The following PTPRT variants were observed in gnomAD, a reference collection of about 807,000 sequenced individuals.
PTPRT encodes the protein receptor-type tyrosine-protein phosphatase T.
A neutral mutation model predicts 176.8 loss-of-function variants in PTPRT; 56 were observed. That is an observed-to-expected ratio of 0.32 (90% confidence interval 0.26 to 0.40). The LOEUF (loss-of-function observed/expected upper bound fraction) is 0.40, where lower values mean the gene tolerates loss of function less well. Ranked by LOEUF, PTPRT falls within the 10% of genes least tolerant of loss-of-function variation. The probability of loss-of-function intolerance (pLI) is 1.00; values close to 1 mark genes in which losing one functional copy is unlikely to be tolerated. For missense variants in PTPRT, 1,540 were observed against 1,908.2 expected (o/e 0.81, Z 3.60); for synonymous variants, 783 against 739.0 (o/e 1.06, Z -0.96).
At chr20:42,684,646 T>C (rs2075661127) in intron 6 of PTPRT, among the ~76,000 whole-genome samples, 1 of 152,188 alleles carries the variant, frequency 6.6e-6, no homozygotes, top group East Asian at 1.9e-4. Context: ...GGCCTGAGTT[T>C]GCAGACTCTG....
intron 7 of PTPRT, among the ~76,000 whole-genome samples, chr20:42,623,685 T>C (rs1243833583): frequency 2.0e-5 from 3 of 152,090 alleles, no homozygotes; most frequent in Admixed American, 6.5e-5. Context: ...AACTCTGGCA[T>C]ATTCACTTCA....
At chr20:42,662,988 ATGTGTG>A (rs2075251750) in intron 7 of PTPRT, among the ~76,000 whole-genome samples, 1 of 144,796 alleles carries the variant, frequency 6.9e-6, no homozygotes, top group African/African-American at 2.6e-5. Context: ...GTGTGTGTGT[ATGTGTG>A]TGTGTATTTA....
At chr20:42,037,243 G>A in the PTPRT span, among the ~76,000 whole-genome samples, 4 of 152,198 alleles carry the variant, frequency 2.6e-5, no homozygotes, top group East Asian at 7.7e-4. Flanking sequence ...ATGCTGTGTG[G>A]CAGTGAGGGT....
intron 16 of PTPRT, among the ~76,000 whole-genome samples, chr20:42,177,784 C>A (rs983930176): frequency 2.0e-5 from 3 of 152,058 alleles, no homozygotes; most frequent in Non-Finnish European, 4.4e-5. Context: ...GTAAGTTTGA[C>A]CCAATTCCTT....
chr20:42,092,591 G>T (rs1984739357), intron 27 of PTPRT, among the ~76,000 whole-genome samples: 1 of 152,174 alleles, frequency 6.6e-6, no homozygotes, highest in East Asian at 1.9e-4. Context: ...CTACCATTCT[G>T]GTGGGGACAG....
At chr20:42,617,391 T>G (rs2074102434) in intron 7 of PTPRT, among the ~76,000 whole-genome samples, 1 of 135,024 alleles carries the variant, frequency 7.4e-6, no homozygotes, top group Non-Finnish European at 1.5e-5. Flanking sequence ...GATATTGGTC[T>G]AAAATTCTCT....
At chr20:42,492,248 A>C (rs577701023) in intron 7 of PTPRT, among the ~76,000 whole-genome samples, 12 of 152,192 alleles carry the variant, frequency 7.9e-5, no homozygotes, top group Non-Finnish European at 1.3e-4. Context: ...ATTTTTACTT[A>C]TAAAATAAAC....
At chr20:42,560,182 G>A (rs1408338558) in intron 7 of PTPRT, among the ~76,000 whole-genome samples, 1 of 152,134 alleles carries the variant, frequency 6.6e-6, no homozygotes, top group Non-Finnish European at 1.5e-5. Flanking sequence ...CTGATGTTCT[G>A]GAAGCCGACT....
At chr20:43,083,369 T>TATACATATATATATATATATATAA (rs1568774368) in intron 1 of PTPRT, among the ~76,000 whole-genome samples, 1 of 110,244 alleles carries the variant, frequency 9.1e-6, no homozygotes, top group African/African-American at 4.0e-5. Context: ...TATATATATA[T>TATACATATATATATATATATATAA]ACATTTTTTG....
chr20:42,077,810 G>T lies in PTPRT; in HGVS notation c.*3069C>A, dbSNP rs1472435627. 4 of 107,696 alleles carry T rather than the reference G, an allele frequency of 3.7e-5. No homozygotes were observed. The highest frequency in any genetic ancestry group is 1.7e-5 in the Non-Finnish European group (1 of 59,274). The allele number at this position is 107,696 out of a possible 1,614,324, so 6.7% of individuals were successfully genotyped here. A position where few individuals can be genotyped will look rare whatever the true frequency, so the allele number is the denominator to read the frequency against. On this transcript the variant is annotated 3_prime_UTR_variant, in exon 31 of 31. Transcript: ENST00000373187. ...TTGCTGGGTTACCCCAACATGGCCT[G>T]AGATTTTTTTTTTTTGCAAGTTTGT...
chr20:42,067,680 A>C, the PTPRT span, among the ~76,000 whole-genome samples: 1 of 152,144 alleles, frequency 6.6e-6, no homozygotes, highest in South Asian at 2.1e-4. Context: ...ACATAGGATG[A>C]GCTTAGGACA....
intron 6 of PTPRT, among the ~76,000 whole-genome samples, chr20:42,708,081 C>A (rs903602997): frequency 6.6e-6 from 1 of 152,034 alleles, no homozygotes; most frequent in Non-Finnish European, 1.5e-5. Flanking sequence ...AAGAAATATG[C>A]AAAATATGTG....
At chr20:43,126,872 T>C (rs542342152) in intron 1 of PTPRT, among the ~76,000 whole-genome samples, 2 of 152,264 alleles carry the variant, frequency 1.3e-5, no homozygotes, top group South Asian at 4.2e-4. Flanking sequence ...AGAGTGCTTC[T>C]TCTCAACCTG....
chr20:42,707,014 G>A (rs140654245), intron 6 of PTPRT, among the ~76,000 whole-genome samples: 10 of 152,266 alleles, frequency 6.6e-5, no homozygotes, highest in East Asian at 1.9e-4. Flanking sequence ...TCTACAAGAC[G>A]AGGATGCCAA....
intron 1 of PTPRT, among the ~76,000 whole-genome samples, chr20:42,973,377 CAA>C (rs775013069): frequency 6.6e-6 from 1 of 152,142 alleles, no homozygotes; most frequent in Admixed American, 6.6e-5. Context: ...AATGTCAGCT[CAA>C]ATGTCACCTC....
chr20:42,088,252 G>A (rs959840166), intron 27 of PTPRT, among the ~76,000 whole-genome samples: 8 of 152,316 alleles, frequency 5.3e-5, no homozygotes, highest in African/African-American at 1.7e-4. Flanking sequence ...TCTGAGAGCA[G>A]TTTGGGATTG....
intron 8 of PTPRT, 106 bp from the exon 9 acceptor site, chr20:42,448,435 G>A: frequency 1.2e-6 from 1 of 827,252 alleles, no homozygotes; most frequent in Non-Finnish European, 2.1e-6. Flanking sequence ...GAACCAGATA[G>A]TAAATATTTT....
At chr20:42,994,439 C>T (rs1042825035) in intron 1 of PTPRT, among the ~76,000 whole-genome samples, 32 of 147,096 alleles carry the variant, frequency 2.2e-4, no homozygotes, top group African/African-American at 8.0e-4. Context: ...CCCATTAGGA[C>T]TTTTTTTTTT....
intron 27 of PTPRT, among the ~76,000 whole-genome samples, chr20:42,090,401 G>T (rs1600482737): frequency 6.6e-6 from 1 of 151,234 alleles, no homozygotes; most frequent in African/African-American, 2.4e-5. Flanking sequence ...GAGATCTGTG[G>T]GTTGCTCCGA....
Sources: allele counts gnomAD v4.1 joint callset (sites outside exome capture counted in the v4.1 genomes callset), GRCh38; gene constraint gnomAD v4.1.1; transcripts MANE v1.5; gene names NCBI Gene and HGNC (gene_info 2026-07-23, HGNC 2026-07-21).